LY9: variants seen among roughly 807,000 people sequenced by gnomAD.
The protein encoded by LY9 is lymphocyte antigen 9.
A neutral mutation model predicts 64.6 loss-of-function variants in LY9; 59 were observed. The observed-to-expected ratio is 0.91, with a 90% CI of 0.74 to 1.13. The LOEUF is 1.13. Among genes scored for constraint, LY9 ranks in the 50% most tolerant of loss-of-function variants. The pLI, the probability that LY9 is intolerant of heterozygous loss-of-function variation, is 0.00. For synonymous variants in LY9, 281 were observed against 308.5 expected, an observed-to-expected ratio of 0.91 and a Z score of 0.93; for missense variants, 789 against 797.2, an observed-to-expected ratio of 0.99 and a Z score of 0.12.
chr1:160,827,894 A>G lies in LY9; in HGVS notation c.*78A>G, dbSNP rs574610. The G allele has an allele frequency of 0.5, 563,799 of 1,138,274 alleles. 143,863 individuals are homozygous for G. Among genetic ancestry groups the G allele is most frequent in the East Asian group, 0.74 (29,891 of 40,426 alleles). 70.5% of individuals were successfully genotyped at this position (1,138,274 alleles called of 1,614,324 possible). On this transcript the variant is annotated 3_prime_UTR_variant, in exon 10 of 10. Coordinates refer to ENST00000263285, the MANE Select transcript of LY9 (RefSeq NM_002348.4). ...CTGGACCTCATGGGGCCTGGGGCTC[A>G]CAGACAGAAGCACCTCAGAATTTCC...
chr1:160,805,246 C>T (rs1241688805), intron 2 of LY9, among the ~76,000 whole-genome samples: 1 of 151,154 alleles, frequency 6.6e-6, no homozygotes, highest in Non-Finnish European at 1.5e-5. Context: ...TTTCTATAAA[C>T]TTCCCTCAGC....
intron 2 of LY9, chr1:160,801,806 G>A: frequency 6.2e-7 from 1 of 1,614,034 alleles, no homozygotes; most frequent in Non-Finnish European, 8.5e-7. Flanking sequence ...TTATTGAAAA[G>A]TTGTCCGTCC....
At chr1:160,815,924 C>T (rs1387876527) in intron 4 of LY9, among the ~76,000 whole-genome samples, 1 of 152,194 alleles carries the variant, frequency 6.6e-6, no homozygotes, top group Non-Finnish European at 1.5e-5. Context: ...TGTTCCTTCA[C>T]TTGTGCCATT....
chr1:160,808,855 T>G (rs1168244319), intron 2 of LY9, among the ~76,000 whole-genome samples: 1 of 152,228 alleles, frequency 6.6e-6, no homozygotes, highest in Admixed American at 6.5e-5. Context: ...GACATTCTTT[T>G]TCTCCAGGAA....
chr1:160,821,423 C>G (rs1049973028), intron 7 of LY9, among the ~76,000 whole-genome samples: 1 of 152,162 alleles, frequency 6.6e-6, no homozygotes, highest in African/African-American at 2.4e-5. Context: ...TACATCCCAG[C>G]AATATTAATG....
At chr1:160,821,269 T>G (rs1668428322) in intron 7 of LY9, among the ~76,000 whole-genome samples, 1 of 152,022 alleles carries the variant, frequency 6.6e-6, no homozygotes, top group Admixed American at 6.6e-5. Context: ...TGCTGAGATT[T>G]CTACAGACCT....
chr1:160,816,967 G>A (rs1668010218), intron 5 of LY9, 104 bp downstream of exon 5: 1 of 1,107,660 alleles, frequency 9.0e-7, no homozygotes, highest in South Asian at 1.4e-5. Flanking sequence ...CTGTGGGTGA[G>A]AGCCCTTTAG....
intron 5 of LY9, among the ~76,000 whole-genome samples, chr1:160,817,405 G>T (rs192046766): frequency 5.1e-4 from 78 of 152,294 alleles, no homozygotes; most frequent in African/African-American, 1.4e-3. Context: ...TGGTGTCTCA[G>T]TAATACTAGC....
intron 2 of LY9, chr1:160,811,281 C>T (rs1185111922): frequency 6.6e-6 from 1 of 152,254 alleles, no homozygotes; most frequent in Admixed American, 6.5e-5. Context: ...GCCTGACACA[C>T]TCCTTCATTT....
Position 160,799,816 on chromosome 1 carries a change from T to A in LY9, c.188T>A (p.Val63Glu), listed in dbSNP as rs1186972085. 6.2e-7 allele frequency: 1 copy of A among 1,613,962 alleles called. No homozygotes were observed. Among genetic ancestry groups the A allele is most frequent in the Non-Finnish European group, 8.5e-7 (1 of 1,179,936 alleles). Reference protein sequence around the residue: ...TVVSGILGGSVTLPLNISVDT... With the variant: ...TVVSGILGGSETLPLNISVDT... ...GTGTCAGGGATCCTAGGGGGTTCCG[T>A]GACTCTCCCCCTAAACATCTCAGTA... Residue 63 changes from valine (V) to glutamate (E), a missense_variant, in exon 2 of 10, where the codon GTG (valine) becomes GAG (glutamate). Physicochemically the swap from Val to Glu is moderately radical, Grantham distance 121. Coordinates refer to ENST00000263285, the MANE Select transcript of LY9 (RefSeq NM_002348.4).
intron 9 of LY9, among the ~76,000 whole-genome samples, chr1:160,827,457 T>C (rs772648435): frequency 4.6e-5 from 7 of 152,242 alleles, no homozygotes; most frequent in Non-Finnish European, 8.8e-5. Flanking sequence ...CATTTGACAG[T>C]AGCTTCGTGA....
intron 7 of LY9, among the ~76,000 whole-genome samples, chr1:160,820,888 C>T (rs1668377629): frequency 1.3e-5 from 2 of 149,966 alleles, no homozygotes; most frequent in African/African-American, 4.9e-5. Context: ...CACGGTGGCT[C>T]ACGCCTATAA....
chr1:160,805,741 T>TCA (rs60721619), intron 2 of LY9, among the ~76,000 whole-genome samples: 21,712 of 140,430 alleles, frequency 0.15, 1,568 homozygotes, highest in East Asian at 0.21. Context: ...TCTCTCTGTC[T>TCA]CACACACACA....
rs547601381 is a variant in LY9, at chr1:160,808,573, A to G, written c.455-5063A>G. Among the ~76,000 whole-genome samples, 62 of 152,214 alleles carry G rather than the reference A, an allele frequency of 4.1e-4. 1 individual carries two copies. The highest frequency in any genetic ancestry group is 1.4e-3 in the African/African-American group (57 of 41,528). The stretch of plus-strand genomic sequence containing the variant: ...ATGATTCTGCAGTGGGATGTGGGCC[A>G]CTGGAGGTCTCTCGCTCACCTCTAT... On this transcript the variant is annotated intron_variant, in intron 2 of 9. Coordinates refer to ENST00000263285, the MANE Select transcript of LY9 (RefSeq NM_002348.4).
At chr1:160,827,682 C>T (rs1318436381) in intron 9 of LY9, 66 bp from the exon 10 acceptor site, 35 of 1,313,606 alleles carry the variant, frequency 2.7e-5, no homozygotes, top group Non-Finnish European at 3.6e-5. Flanking sequence ...TTGCCTTCCT[C>T]TTTCATCAGC....
rs1236081752 is a variant in LY9 at position 160,823,473 on chromosome 1, G to A, written c.1507G>A (p.Ala503Thr). The change falls in exon 8 of 10, where the codon GCT becomes ACT. Residue 503 changes from alanine to threonine, a missense_variant. Coordinates refer to ENST00000263285, the MANE Select transcript of LY9 (RefSeq NM_002348.4). ...EAPADTPEPTAGHTLYSVLSQ... is the reference protein window; with the variant it reads ...EAPADTPEPTTGHTLYSVLSQ... Reference sequence around the variant, plus strand: ...TGCACAATGTGTTCCAGAACCCACAGCTGGCCACACGCTATACTCTGTGCT... The same window carrying A: ...TGCACAATGTGTTCCAGAACCCACAACTGGCCACACGCTATACTCTGTGCT... 3 of 1,606,922 alleles carry A rather than the reference G, an allele frequency of 1.9e-6. No homozygotes were observed. The highest frequency in any genetic ancestry group is 1.1e-5 in the South Asian group (1 of 90,884).
In LY9 at chr1:160,802,533, G is replaced by C. The variant is rs780829467; in HGVS notation, c.454+2451G>C. The C allele has an allele frequency of 2.3e-4, 230 of 985,532 alleles. 1 individual carries two copies. Among genetic ancestry groups the C allele is most frequent in the Non-Finnish European group, 2.7e-4 (224 of 829,984 alleles). 61.0% of individuals were successfully genotyped at this position (985,532 alleles called of 1,614,324 possible). A position where few individuals can be genotyped will look rare whatever the true frequency, so the allele number is the denominator to read the frequency against. On this transcript the variant is annotated intron_variant, in intron 2 of 9. Coordinates refer to ENST00000263285, the MANE Select transcript of LY9 (RefSeq NM_002348.4). ...CCAGGCACCAACTCAGTGTTTGTCA[G>C]TGTTTGTTTTTCCAAGAAATGGTTC...
intron 7 of LY9, among the ~76,000 whole-genome samples, chr1:160,820,459 T>C (rs115705830): frequency 0.013 from 1,920 of 152,278 alleles, 17 homozygotes; most frequent in Admixed American, 0.026. Context: ...TCACCCCTCA[T>C]GGCAGGGATT....
At position 160,818,449 on chromosome 1, in the gene LY9, G is replaced by T. The variant is rs565586848; in HGVS notation, c.1444+130G>T. 1.1e-3 allele frequency: 697 copies of T among 640,130 alleles called. 3 individuals carry two copies. The highest frequency in any genetic ancestry group is 1.7e-3 in the Non-Finnish European group (599 of 362,382). 39.7% of individuals were successfully genotyped at this position (640,130 alleles called of 1,614,324 possible). On this transcript the variant is annotated intron_variant, in intron 6 of 9. Coordinates refer to ENST00000263285, the MANE Select transcript of LY9 (RefSeq NM_002348.4). ...GCATCTTATTTCTTCTCAGAGCAAT[G>T]GGGGAGGGGTGTCAGTTGGGACTCT...
Sources: gnomAD v4.1 joint callset for allele counts (sites outside exome capture counted in the v4.1 genomes callset) on GRCh38, gnomAD v4.1.1 for gene constraint, MANE v1.5 for transcripts, NCBI Gene and HGNC (gene_info 2026-07-23, HGNC 2026-07-21) for gene names.